Variants in SGPP2 observed in about 807,000 individuals in gnomAD.
SGPP2 encodes the protein sphingosine-1-phosphate phosphatase 2, also known as sphingosine 1-phosphate phosphohydrolase 2.
SGPP2 carries 30 observed loss-of-function variants against 33.9 expected under a neutral mutation model. The observed-to-expected ratio is 0.89, with a 90% CI of 0.66 to 1.20. The LOEUF is 1.20. SGPP2 is among the 50% of genes most tolerant of loss of function. SGPP2 has a pLI of 0.00. For missense variants in SGPP2, 458 were observed against 532.1 expected (o/e 0.86, Z 1.37); for synonymous variants, 233 against 225.0 (o/e 1.04, Z -0.32).
In SGPP2 at chr2:222,471,748, A is replaced by G. The variant is rs540127247; in HGVS notation, c.220-2820A>G. The stretch of plus-strand genomic sequence containing the variant: ...CAGATCTCTAAGAGTCTTGAGAAAA[A>G]TCTCCCTGTAACAGTGTTGTCTCTT... On this transcript the variant is annotated intron_variant, in intron 1 of 4. Coordinates refer to ENST00000321276, the MANE Select transcript of SGPP2 (RefSeq NM_152386.4). 7.2e-5 allele frequency among the ~76,000 whole-genome samples: 11 copies of G among 152,288 alleles called. No individual in the cohort carries two copies. In the East Asian group the frequency reaches 2.1e-3, roughly 29 times the overall value.
intron 1 of SGPP2, among the ~76,000 whole-genome samples, chr2:222,456,010 TTGAGGCTATGG>T (rs1198029852): frequency 3.3e-5 from 5 of 152,252 alleles, no homozygotes; most frequent in Admixed American, 2.6e-4. Flanking sequence ...GCCCAGGAGT[TTGAGGCTATGG>T]TGAGCTATGA....
chr2:222,550,125 G>A lies in SGPP2; in HGVS notation c.649-8222G>A, dbSNP rs1183232297. Among the ~76,000 whole-genome samples the A allele has an allele frequency of 2.0e-5, 3 of 151,960 alleles. No individual in the cohort carries two copies. Among genetic ancestry groups the A allele is most frequent in the Non-Finnish European group, 4.4e-5 (3 of 67,990 alleles). ...GAACTCGTGACCTCGTGATCCACCC[G>A]CCTCGGCCTCCCAAAGTGCTGGGAT... On this transcript the variant is annotated intron_variant, in intron 4 of 4. Transcript: ENST00000321276. This position sits in a 1 kb window ranked among gnomAD's most constrained non-coding sequence, Gnocchi z 4.5.
At chr2:222,441,165 G>T (rs577193566) in intron 1 of SGPP2, among the ~76,000 whole-genome samples, 32 of 152,310 alleles carry the variant, frequency 2.1e-4, no homozygotes, top group African/African-American at 7.7e-4. Context: ...CAATGGTGAG[G>T]CCCAGGGCTT....
chr2:222,515,559 C>A (rs910013991), intron 2 of SGPP2, among the ~76,000 whole-genome samples: 2 of 151,994 alleles, frequency 1.3e-5, no homozygotes, highest in Non-Finnish European at 2.9e-5. Context: ...AAACTACCGA[C>A]CTCAGATGAT....
At chr2:222,532,426 C>T (rs982224804) in intron 4 of SGPP2, among the ~76,000 whole-genome samples, 2 of 152,196 alleles carry the variant, frequency 1.3e-5, no homozygotes, top group African/African-American at 4.8e-5. Context: ...TTTGGTGCCC[C>T]TGTCAAGGCT....
intron 2 of SGPP2, among the ~76,000 whole-genome samples, chr2:222,508,070 AG>A (rs1308715528): frequency 2.0e-5 from 3 of 152,212 alleles, no homozygotes; most frequent in Non-Finnish European, 4.4e-5. Flanking sequence ...TGGCAAGTAA[AG>A]GACACTGATC....
In SGPP2 at chr2:222,424,724, G is replaced by A. The variant is rs1260495118; in HGVS notation, c.122G>A (p.Arg41His). 2 of 1,436,654 alleles carry A rather than the reference G, an allele frequency of 1.4e-6. No individual in the cohort carries two copies. The highest frequency in any genetic ancestry group is 1.5e-5 in the African/African-American group (1 of 67,560). The allele number at this position is 1,436,654 out of a possible 1,614,324, so 89.0% of individuals were successfully genotyped here. A position where few individuals can be genotyped will look rare whatever the true frequency, so the allele number is the denominator to read the frequency against. ...PRENGADPTE[R>H]AARVPGVEHL... The stretch of plus-strand genomic sequence containing the variant: ...GAGAACGGCGCGGACCCCACGGAGC[G>A]CGCGGCGCGGGTCCCCGGGGTCGAG... The change falls in exon 1 of 5, where the codon CGC becomes CAC. Residue 41 changes from arginine to histidine, a missense_variant. Transcript: ENST00000321276.
chr2:222,495,881 C>T (rs1008515811), intron 2 of SGPP2, among the ~76,000 whole-genome samples: 5 of 152,186 alleles, frequency 3.3e-5, no homozygotes, highest in African/African-American at 1.2e-4. Context: ...CCCACCCTTA[C>T]CACACAGAAT....
intron 1 of SGPP2, among the ~76,000 whole-genome samples, chr2:222,426,239 AAAAC>A (rs1256838372): frequency 1.6e-4 from 24 of 148,980 alleles, no homozygotes; most frequent in East Asian, 3.9e-4. Context: ...AAAAAAGACC[AAAAC>A]AAACAAACAA....
intron 4 of SGPP2, among the ~76,000 whole-genome samples, chr2:222,529,703 T>G (rs191033073): frequency 2.0e-5 from 3 of 152,326 alleles, no homozygotes; most frequent in Admixed American, 2.0e-4. Context: ...AAGTTATCCA[T>G]AAGGGCTGGA....
intron 1 of SGPP2, among the ~76,000 whole-genome samples, chr2:222,451,845 G>A (rs2106076375): frequency 6.6e-6 from 1 of 152,266 alleles, no homozygotes; most frequent in East Asian, 1.9e-4. Context: ...GCTGATGGGT[G>A]GAGTAATCAT....
intron 1 of SGPP2, among the ~76,000 whole-genome samples, chr2:222,432,159 G>A (rs1559141750): frequency 1.3e-5 from 2 of 152,210 alleles, no homozygotes; most frequent in African/African-American, 4.8e-5. Flanking sequence ...GGGATCTCAG[G>A]CTGTCTCTGT....
At chr2:222,503,276 CTA>C (rs1698394306) in intron 2 of SGPP2, among the ~76,000 whole-genome samples, 1 of 152,138 alleles carries the variant, frequency 6.6e-6, no homozygotes, top group Non-Finnish European at 1.5e-5. Context: ...GTAGCTAAAA[CTA>C]TATGTTAAAA....
chr2:222,443,387 G>A (rs141492809), intron 1 of SGPP2, among the ~76,000 whole-genome samples: 260 of 152,016 alleles, frequency 1.7e-3, no homozygotes, highest in African/African-American at 6.0e-3. Flanking sequence ...TTCCCTCCCC[G>A]CTTTTGAAAT....
Position 222,558,430 on chromosome 2 carries a change from G to T in SGPP2, c.732G>T (p.Ser244=), listed in dbSNP as rs146973494. 185 of 1,614,042 alleles carry T rather than the reference G, an allele frequency of 1.1e-4. No homozygotes were observed. The African/African-American group carries it at 2.1e-3, about 18-fold the overall frequency. ...GGACCTTCATCGACTGCCTGGACTC[G>T]GCCAGCCCCCTCTTCCCCGTGTGTG... is the stretch of plus-strand genomic sequence containing the variant. ...PAWTFIDCLD[S]ASPLFPVCVI... is the part of the protein sequence containing the mutation. Residue 244 remains serine (S), a synonymous_variant, in exon 5 of 5, where the codon TCG becomes TCT. Transcript: ENST00000321276.
chr2:222,459,142 C>CTTTTTT (rs1164145783), intron 1 of SGPP2, among the ~76,000 whole-genome samples: 55 of 94,462 alleles, frequency 5.8e-4, no homozygotes, highest in Non-Finnish European at 8.1e-4. Context: ...TTCTTTCTTT[C>CTTTTTT]TTTTTTTTTT....
intron 2 of SGPP2, among the ~76,000 whole-genome samples, chr2:222,506,651 G>A (rs1039721449): frequency 6.6e-6 from 1 of 152,248 alleles, no homozygotes. Context: ...TCAACAGAAT[G>A]CTATTAGTAG....
At chr2:222,443,892 T>C (rs932350928) in intron 1 of SGPP2, among the ~76,000 whole-genome samples, 4 of 152,232 alleles carry the variant, frequency 2.6e-5, no homozygotes, top group African/African-American at 9.6e-5. Context: ...CACCTTGGTT[T>C]CCTTATCTGT....
At chr2:222,540,736 G>C (rs12619428) in intron 4 of SGPP2, among the ~76,000 whole-genome samples, 138,529 of 152,030 alleles carry the variant, frequency 0.91, 63,371 homozygotes, top group East Asian at 1. Context: ...CTGAATATTG[G>C]ATTTAACATG....
Sources: allele counts gnomAD v4.1 joint callset (sites outside exome capture counted in the v4.1 genomes callset), GRCh38; gene constraint gnomAD v4.1.1; non-coding constraint Gnocchi (gnomAD v3.1); transcripts MANE v1.5; gene names NCBI Gene and HGNC (gene_info 2026-07-23, HGNC 2026-07-21).